Variants in DYNC2H1 observed in about 807,000 individuals in gnomAD.
DYNC2H1 encodes dynein cytoplasmic 2 heavy chain 1.
DYNC2H1 carries 410 observed loss-of-function variants against 570.0 expected under a neutral mutation model. That is an observed-to-expected ratio of 0.72 (90% CI 0.66 to 0.78). DYNC2H1 has a LOEUF of 0.78. Ranked by LOEUF, DYNC2H1 falls within the 30% of genes least tolerant of loss-of-function variation. The pLI is 0.00. For synonymous variants in DYNC2H1, 1,688 were observed against 1,677.6 expected (o/e 1.01, Z -0.15); for missense variants, 4,865 against 5,046.4 (o/e 0.96, Z 1.09).
At chr11:103,331,596 A>G (rs1270255981) in intron 82 of DYNC2H1, among the ~76,000 whole-genome samples, 3 of 152,220 alleles carry the variant, frequency 2.0e-5, no homozygotes, top group African/African-American at 7.2e-5. Context: ...CTTAGTCTTT[A>G]CTGCTCTGGA....
intron 83 of DYNC2H1, among the ~76,000 whole-genome samples, chr11:103,382,617 C>G (rs573068943): frequency 6.6e-6 from 1 of 151,982 alleles, no homozygotes; most frequent in African/African-American, 2.4e-5. Flanking sequence ...TAATACATAC[C>G]TTGGTTGGAT....
chr11:103,386,611 T>G (rs11225758), intron 83 of DYNC2H1, among the ~76,000 whole-genome samples: 5,381 of 152,228 alleles, frequency 0.035, 312 homozygotes, highest in African/African-American at 0.12. Flanking sequence ...TAACTCATCA[T>G]GTAACGTTAG....
At chr11:103,155,672 A>G (rs188778753) in intron 25 of DYNC2H1, among the ~76,000 whole-genome samples, 171 bp downstream of exon 25, 1 of 152,324 alleles carries the variant, frequency 6.6e-6, no homozygotes, top group East Asian at 1.9e-4. Context: ...ATTATGTGAT[A>G]TGTTACACAT....
chr11:103,171,643 C>T (rs888101829), intron 34 of DYNC2H1, among the ~76,000 whole-genome samples: 2 of 152,104 alleles, frequency 1.3e-5, no homozygotes, highest in African/African-American at 2.4e-5. Context: ...ATTGTCTGTG[C>T]TGACATTGTT....
At chr11:103,344,687 C>T (rs879596607) in intron 82 of DYNC2H1, among the ~76,000 whole-genome samples, 2 of 152,142 alleles carry the variant, frequency 1.3e-5, no homozygotes, top group African/African-American at 2.4e-5. Flanking sequence ...TCTCCTTAAC[C>T]TGCTTTGTTT....
intron 85 of DYNC2H1, among the ~76,000 whole-genome samples, chr11:103,450,638 A>G (rs1157612457): frequency 6.6e-6 from 1 of 152,270 alleles, no homozygotes; most frequent in Non-Finnish European, 1.5e-5. Context: ...TTAATTGAAT[A>G]AAAATTAAAA....
rs1206604278 is a variant in DYNC2H1, at chr11:103,472,390, T to C, written c.12765+3685T>C. On this transcript the variant is annotated intron_variant, in intron 88 of 88. Coordinates refer to ENST00000375735, the MANE Select transcript of DYNC2H1 (RefSeq NM_001377.3). This position sits in a 1 kb window ranked among gnomAD's most constrained non-coding sequence, Gnocchi z 4.1. Reference sequence around the variant, plus strand: ...ATAAAAAAAGAATTAAAAAAATTTTTTTTAAAGAATTGAGAACAGGAGTAT... The same window carrying C: ...ATAAAAAAAGAATTAAAAAAATTTTCTTTAAAGAATTGAGAACAGGAGTAT... 1.3e-5 allele frequency among the ~76,000 whole-genome samples: 2 copies of C among 152,180 alleles called. No homozygotes were observed. Among genetic ancestry groups the C allele is most frequent in the South Asian group, 2.1e-4 (1 of 4,826 alleles).
At chr11:103,288,044 G>A (rs535339790) in intron 75 of DYNC2H1, among the ~76,000 whole-genome samples, 22 of 152,214 alleles carry the variant, frequency 1.4e-4, no homozygotes, top group African/African-American at 4.1e-4. Flanking sequence ...GTTTTCAAGC[G>A]AGGTTTTCTT....
Position 103,334,848 on chromosome 11 carries a change from A to C in DYNC2H1, c.12039+10858A>C, listed in dbSNP as rs1484475198. 6.6e-6 allele frequency among the ~76,000 whole-genome samples: 1 copy of C among 152,116 alleles called. No homozygotes were observed. The highest frequency in any genetic ancestry group is 1.5e-5 in the Non-Finnish European group (1 of 67,958). ...CAGAATACAAAGATTGCTGTGGAGTAATCTTTCCACATGCTGCAGAGAGAA... is the reference window on the plus strand; with the variant it reads ...CAGAATACAAAGATTGCTGTGGAGTCATCTTTCCACATGCTGCAGAGAGAA... On this transcript the variant is annotated intron_variant, in intron 82 of 88. Coordinates refer to ENST00000375735, the MANE Select transcript of DYNC2H1 (RefSeq NM_001377.3). This position sits in a 1 kb window ranked among gnomAD's most constrained non-coding sequence, Gnocchi z 4.3.
At position 103,468,713 on chromosome 11, in the gene DYNC2H1, A is replaced by G. The variant is rs1160502370; in HGVS notation, c.12765+8A>G. The G allele has an allele frequency of 2.5e-6, 4 of 1,583,514 alleles. No individual in the cohort carries two copies. Among genetic ancestry groups the G allele is most frequent in the African/African-American group, 1.3e-5 (1 of 74,232 alleles). On this transcript the variant is annotated splice_region_variant and intron_variant, in intron 88 of 88. Coordinates refer to ENST00000375735, the MANE Select transcript of DYNC2H1 (RefSeq NM_001377.3). ...ATGGGCTGGATTCCACAGGTAATAC[A>G]TTTTTAACAAGCACAAGTTTTAATT...
intron 85 of DYNC2H1, 21 bp from the exon 86 acceptor site, chr11:103,455,165 T>C: frequency 6.3e-7 from 1 of 1,575,286 alleles, no homozygotes; most frequent in Non-Finnish European, 8.7e-7. Context: ...TATTTATATG[T>C]TCATATTTCC....
Position 103,205,010 on chromosome 11 carries a change from T to C in DYNC2H1, c.8454+46T>C. ...AAAATTTAAAAGCACATTTTATTTT[T>C]GAAGTTATTGATTTTCACAACTTCT... is the stretch of plus-strand genomic sequence containing the variant. On this transcript the variant is annotated intron_variant, in intron 52 of 88. Transcript: ENST00000375735. The surrounding 1 kb of genome is among the most constrained non-coding windows in gnomAD (Gnocchi z 4.5). The C allele has an allele frequency of 4.0e-6, 6 of 1,515,082 alleles. No individual in the cohort carries two copies. Among genetic ancestry groups the C allele is most frequent in the Non-Finnish European group, 4.4e-6 (5 of 1,126,092 alleles). The allele number at this position is 1,515,082 out of a possible 1,614,324, so 93.9% of individuals were successfully genotyped here. A position where few individuals can be genotyped will look rare whatever the true frequency, so the allele number is the denominator to read the frequency against.
At chr11:103,130,646 TA>T (rs5794208) in intron 13 of DYNC2H1, among the ~76,000 whole-genome samples, 142,503 of 152,234 alleles carry the variant, frequency 0.94, 66,748 homozygotes, top group African/African-American at 0.96. Flanking sequence ...ATGCATATTT[TA>T]AAAAATGTAT....
chr11:103,285,957 C>A (rs1465755998), intron 73 of DYNC2H1, among the ~76,000 whole-genome samples: 1 of 152,130 alleles, frequency 6.6e-6, no homozygotes, highest in African/African-American at 2.4e-5. Flanking sequence ...TTAATGACAG[C>A]ACTTGTTTCC....
At chr11:103,391,230 G>A (rs1046713248) in intron 83 of DYNC2H1, among the ~76,000 whole-genome samples, 5 of 151,852 alleles carry the variant, frequency 3.3e-5, no homozygotes, top group Non-Finnish European at 5.9e-5. Context: ...TTCTCTTCTC[G>A]CTTCATTTCA....
chr11:103,121,961 T>A (rs1472875605), intron 10 of DYNC2H1, among the ~76,000 whole-genome samples: 1 of 151,720 alleles, frequency 6.6e-6, no homozygotes, highest in Non-Finnish European at 1.5e-5. Context: ...AAAAAAAAAA[T>A]ATTGTAAAAT....
chr11:103,237,605 T>C (rs181041949), intron 63 of DYNC2H1, among the ~76,000 whole-genome samples: 30 of 152,176 alleles, frequency 2.0e-4, no homozygotes, highest in African/African-American at 6.7e-4. Context: ...AAACTCTAAA[T>C]GCTTATGTAA....
Position 103,453,615 on chromosome 11 carries a change from C to CATATATAT in DYNC2H1, c.12457-1551_12457-1544dup, listed in dbSNP as rs66628059. 4.2e-3 allele frequency among the ~76,000 whole-genome samples: 573 copies of CATATATAT among 136,582 alleles called. 4 individuals are homozygous for CATATATAT. Among genetic ancestry groups the CATATATAT allele is most frequent in the East Asian group, 9.2e-3 (44 of 4,792 alleles). The allele number at this position is 136,582 out of a possible 152,430, so 89.6% of individuals were successfully genotyped here. A position where few individuals can be genotyped will look rare whatever the true frequency, so the allele number is the denominator to read the frequency against. On this transcript the variant is annotated intron_variant, in intron 85 of 88. Coordinates refer to ENST00000375735, the MANE Select transcript of DYNC2H1 (RefSeq NM_001377.3). Reference sequence around the variant, plus strand: ...TGATTATCAGCCATGTTAGTTTAGACATATATATATATATATATATATATA... The same window carrying CATATATAT: ...TGATTATCAGCCATGTTAGTTTAGACATATATATATATATATATATATATATATATATA...
chr11:103,391,250 T>C (rs1942137186), intron 83 of DYNC2H1, among the ~76,000 whole-genome samples: 2 of 152,230 alleles, frequency 1.3e-5, no homozygotes, highest in South Asian at 4.1e-4. Context: ...ATTCTTTTGA[T>C]CTTCAATCAC....
Sources: gnomAD v4.1 joint callset for allele counts (sites outside exome capture counted in the v4.1 genomes callset) on GRCh38, gnomAD v4.1.1 for gene constraint, Gnocchi (gnomAD v3.1) non-coding constraint, MANE v1.5 for transcripts, NCBI Gene and HGNC (gene_info 2026-07-23, HGNC 2026-07-21) for gene names.